PRKG1: variants seen among roughly 807,000 people sequenced by gnomAD.
PRKG1 encodes protein kinase cGMP-dependent 1.
In PRKG1, 35 loss-of-function variants were observed where a neutral mutation model predicts 88.1. The observed-to-expected ratio is 0.40, with a 90% CI of 0.30 to 0.53. PRKG1 has a LOEUF of 0.53. PRKG1 is among the 20% of genes least tolerant of loss of function. The pLI is 0.59. For synonymous variants in PRKG1, 303 were observed against 292.5 expected, an observed-to-expected ratio of 1.04 and a Z score of -0.37; for missense variants, 540 against 839.8, an observed-to-expected ratio of 0.64 and a Z score of 4.41.
intron 1 of PRKG1, among the ~76,000 whole-genome samples, chr10:51,128,401 G>T (rs568533688): frequency 6.6e-6 from 1 of 152,262 alleles, no homozygotes; most frequent in East Asian, 1.9e-4. Flanking sequence ...GTATTTTTGT[G>T]TGGGACATTA....
At chr10:52,247,369 A>C (rs1841052257) in intron 9 of PRKG1, among the ~76,000 whole-genome samples, 2 of 152,144 alleles carry the variant, frequency 1.3e-5, no homozygotes, top group Non-Finnish European at 2.9e-5. Flanking sequence ...AATTGCATGA[A>C]ACTGGGCCTA....
chr10:51,629,293 T>A (rs2132277567), intron 3 of PRKG1, among the ~76,000 whole-genome samples: 1 of 152,212 alleles, frequency 6.6e-6, no homozygotes, highest in East Asian at 1.9e-4. Context: ...TTCCATGGAC[T>A]GAGGTGGGGG....
intron 4 of PRKG1, among the ~76,000 whole-genome samples, chr10:51,890,986 G>A (rs1311426934): frequency 2.6e-5 from 4 of 152,204 alleles, no homozygotes; most frequent in Non-Finnish European, 2.9e-5. Context: ...TTAGGGCTAG[G>A]TGGGGTGTCT....
intron 4 of PRKG1, among the ~76,000 whole-genome samples, chr10:51,898,101 A>T (rs993440779): frequency 1.3e-5 from 2 of 151,444 alleles, no homozygotes; most frequent in African/African-American, 4.9e-5. Flanking sequence ...GCACTTAAAA[A>T]CCCTTGGCTC....
chr10:51,292,278 A>C (rs973768491), intron 2 of PRKG1, among the ~76,000 whole-genome samples: 5 of 152,120 alleles, frequency 3.3e-5, no homozygotes, highest in Non-Finnish European at 5.9e-5. Context: ...TAGGAAGAAC[A>C]CTGTCCACAA....
intron 3 of PRKG1, among the ~76,000 whole-genome samples, chr10:51,599,421 G>C (rs1454010991): frequency 6.6e-6 from 1 of 152,066 alleles, no homozygotes; most frequent in Non-Finnish European, 1.5e-5. Context: ...AGTGTTTCCA[G>C]ACTTTGTAAG....
chr10:51,834,443 C>A (rs1405016006), intron 4 of PRKG1, among the ~76,000 whole-genome samples: 2 of 151,944 alleles, frequency 1.3e-5, no homozygotes, highest in Admixed American at 6.6e-5. Flanking sequence ...GAGTTTGAGA[C>A]CAGCCTGGGC....
At chr10:51,557,005 G>T (rs148432939) in intron 3 of PRKG1, among the ~76,000 whole-genome samples, 1 of 151,834 alleles carries the variant, frequency 6.6e-6, no homozygotes, top group East Asian at 1.9e-4. Flanking sequence ...TTTGACAGAC[G>T]GCTTTCTTTT....
At chr10:51,064,335 A>C (rs1403493761) in intron 1 of PRKG1, among the ~76,000 whole-genome samples, 17 of 152,086 alleles carry the variant, frequency 1.1e-4, no homozygotes, top group Admixed American at 1.0e-3. Context: ...GAGGGTTTTT[A>C]CATTCACATG....
chr10:52,010,820 C>T (rs1844861233), intron 5 of PRKG1, among the ~76,000 whole-genome samples: 1 of 152,158 alleles, frequency 6.6e-6, no homozygotes, highest in South Asian at 2.1e-4. Context: ...TAGGGACAAA[C>T]TTCAGAATAC....
intron 3 of PRKG1, among the ~76,000 whole-genome samples, chr10:51,505,224 G>A (rs1476294799): frequency 6.6e-6 from 1 of 152,140 alleles, no homozygotes; most frequent in African/African-American, 2.4e-5. Flanking sequence ...CATCTATTGA[G>A]ATAATCATGT....
intron 2 of PRKG1, among the ~76,000 whole-genome samples, chr10:51,415,733 G>A (rs1185538162): frequency 6.6e-6 from 1 of 152,146 alleles, no homozygotes; most frequent in African/African-American, 2.4e-5. Flanking sequence ...CCCGACACAA[G>A]CTACAAAACC....
chr10:51,164,276 C>T (rs1435314626), intron 2 of PRKG1, among the ~76,000 whole-genome samples: 1 of 152,186 alleles, frequency 6.6e-6, no homozygotes, highest in African/African-American at 2.4e-5. Context: ...CTGCTGTTAC[C>T]CAGGCAAACA....
intron 9 of PRKG1, among the ~76,000 whole-genome samples, chr10:52,210,367 C>G (rs1245597859): frequency 6.6e-6 from 1 of 151,622 alleles, no homozygotes; most frequent in African/African-American, 2.4e-5. Context: ...ACAGCTGCAC[C>G]CTCCTATTCC....
chr10:51,578,877 T>C (rs1316693641), intron 3 of PRKG1, among the ~76,000 whole-genome samples: 1 of 151,872 alleles, frequency 6.6e-6, no homozygotes, highest in Non-Finnish European at 1.5e-5. Context: ...ATAGACCATA[T>C]AGCATATTTA....
At chr10:51,586,284 A>G (rs981532092) in intron 3 of PRKG1, among the ~76,000 whole-genome samples, 10 of 152,156 alleles carry the variant, frequency 6.6e-5, no homozygotes, top group African/African-American at 2.4e-4. Context: ...TACTAAAGCT[A>G]TAGTTTTGAA....
chr10:51,546,977 T>C (rs955293294), intron 3 of PRKG1, among the ~76,000 whole-genome samples: 12 of 152,112 alleles, frequency 7.9e-5, no homozygotes, highest in Non-Finnish European at 1.8e-4. Context: ...AACTGAGCAG[T>C]TCTAGTTGAA....
intron 5 of PRKG1, among the ~76,000 whole-genome samples, chr10:52,037,810 G>C (rs1412899742): frequency 2.6e-5 from 4 of 152,098 alleles, no homozygotes; most frequent in Admixed American, 6.5e-5. Flanking sequence ...TCGGCCTGGC[G>C]AGGAGCAGCC....
chr10:51,307,469 C>G (rs1841068555), intron 2 of PRKG1, among the ~76,000 whole-genome samples: 1 of 152,106 alleles, frequency 6.6e-6, no homozygotes, highest in Non-Finnish European at 1.5e-5. Context: ...CTCTCCTTTG[C>G]TTATTTCTGA....
Sources: allele counts gnomAD v4.1 joint callset (sites outside exome capture counted in the v4.1 genomes callset), GRCh38; gene constraint gnomAD v4.1.1; transcripts MANE v1.5; gene names NCBI Gene and HGNC (gene_info 2026-07-23, HGNC 2026-07-21).